Variants in CDH12 observed in about 807,000 individuals in gnomAD.
CDH12 encodes the protein cadherin-12.
A neutral mutation model predicts 74.1 loss-of-function variants in CDH12; 41 were observed. The ratio of observed to expected loss-of-function variants is 0.55; its 90% CI spans 0.43 to 0.72. The LOEUF (loss-of-function observed/expected upper bound fraction) is 0.72. Ranked by LOEUF, CDH12 falls within the 30% of genes least tolerant of loss-of-function variation. The pLI, the probability that CDH12 is intolerant of heterozygous loss-of-function variation, is 0.00. For missense variants in CDH12, 945 were observed against 977.2 expected, an observed-to-expected ratio of 0.97 and a Z score of 0.44; for synonymous variants, 399 against 355.0, an observed-to-expected ratio of 1.12 and a Z score of -1.39.
intron 1 of CDH12, among the ~76,000 whole-genome samples, chr5:22,655,913 G>A (rs1205542716): frequency 6.6e-6 from 1 of 152,140 alleles, no homozygotes; most frequent in African/African-American, 2.4e-5. Context: ...TAGTGATGAT[G>A]AATATATCAA....
At chr5:21,805,751 C>A (rs1747392037) in intron 9 of CDH12, among the ~76,000 whole-genome samples, 1 of 152,112 alleles carries the variant, frequency 6.6e-6, no homozygotes. Flanking sequence ...ATAAAAATCC[C>A]AGCATTTGAA....
chr5:22,072,803 A>C (rs1236996905), intron 5 of CDH12, among the ~76,000 whole-genome samples: 1 of 151,386 alleles, frequency 6.6e-6, no homozygotes, highest in Non-Finnish European at 1.5e-5. Context: ...TTATTATAAC[A>C]CTTTAGTTTA....
At chr5:22,238,534 TATGAG>T (rs1002666550) in intron 3 of CDH12, among the ~76,000 whole-genome samples, 2 of 152,166 alleles carry the variant, frequency 1.3e-5, no homozygotes, top group African/African-American at 2.4e-5. Context: ...AAGACCTTAC[TATGAG>T]AGCAAGTCTA....
chr5:22,411,411 A>T (rs1743164861), intron 2 of CDH12, among the ~76,000 whole-genome samples: 1 of 151,956 alleles, frequency 6.6e-6, no homozygotes, highest in African/African-American at 2.4e-5. Context: ...ATGGTAGGAA[A>T]GAGGTTTCAC....
chr5:21,813,284 G>C (rs1747852523), intron 9 of CDH12, among the ~76,000 whole-genome samples: 1 of 152,010 alleles, frequency 6.6e-6, no homozygotes, highest in Non-Finnish European at 1.5e-5. Flanking sequence ...TTCAAGACCA[G>C]CCTGACAAAC....
chr5:22,237,146 G>A (rs1394318058), intron 3 of CDH12, among the ~76,000 whole-genome samples: 2 of 151,996 alleles, frequency 1.3e-5, no homozygotes, highest in African/African-American at 4.8e-5. Context: ...CAGCAGCACC[G>A]CAAACAGGTG....
chr5:21,811,774 A>ATTTTGTTTTG (rs58069749), intron 9 of CDH12, among the ~76,000 whole-genome samples: 1 of 141,604 alleles, frequency 7.1e-6, no homozygotes, highest in Non-Finnish European at 1.5e-5. Context: ...AGCAGTTTTT[A>ATTTTGTTTTG]TTTTGTTTTG....
At chr5:22,074,179 C>A (rs1273771337) in intron 5 of CDH12, among the ~76,000 whole-genome samples, 4 of 152,118 alleles carry the variant, frequency 2.6e-5, no homozygotes, top group African/African-American at 2.4e-5. Context: ...ACTATCTGAT[C>A]TTTGACAAAT....
intron 3 of CDH12, among the ~76,000 whole-genome samples, 154 bp downstream of exon 3, chr5:22,405,103 G>A (rs1319174552): frequency 2.0e-5 from 3 of 151,968 alleles, no homozygotes; most frequent in Admixed American, 2.0e-4. Context: ...CCAGCTACTC[G>A]GGAGACTGAG....
At chr5:22,461,818 T>C (rs899734065) in intron 2 of CDH12, among the ~76,000 whole-genome samples, 1 of 151,776 alleles carries the variant, frequency 6.6e-6, no homozygotes, top group Non-Finnish European at 1.5e-5. Flanking sequence ...TTTGTCATTA[T>C]ACTTCTCCAT....
Position 22,494,427 on chromosome 5 carries a change from A to G in CDH12, c.-428+10843T>C, listed in dbSNP as rs2126645543. On this transcript the variant is annotated intron_variant, in intron 2 of 14. Coordinates refer to ENST00000382254, the MANE Select transcript of CDH12 (RefSeq NM_004061.5). The stretch of plus-strand genomic sequence containing the variant: ...CTGCGGGCAGGCTCCGGCTATCCAC[A>G]ACCCTGAACTGAAATGATTGGGTAA... Among the ~76,000 whole-genome samples the G allele has an allele frequency of 1.3e-5, 2 of 152,328 alleles. 1 individual carries two copies. The highest frequency in any genetic ancestry group is 2.9e-5 in the Non-Finnish European group (2 of 68,026).
chr5:22,812,258 G>C (rs573177744), intron 1 of CDH12, among the ~76,000 whole-genome samples: 1 of 152,276 alleles, frequency 6.6e-6, no homozygotes, highest in African/African-American at 2.4e-5. Flanking sequence ...ACAGGTGCTA[G>C]TATAAGGATT....
chr5:21,932,110 C>T (rs1331291977), intron 6 of CDH12, among the ~76,000 whole-genome samples: 1 of 152,130 alleles, frequency 6.6e-6, no homozygotes, highest in Non-Finnish European at 1.5e-5. Context: ...ATGAAACAAA[C>T]ATGAATTGTT....
chr5:21,829,254 A>G (rs1748868459), intron 8 of CDH12, among the ~76,000 whole-genome samples: 1 of 152,196 alleles, frequency 6.6e-6, no homozygotes, highest in South Asian at 2.1e-4. Context: ...AAATCGTGCC[A>G]CTGCACTCCA....
chr5:22,198,085 C>T (rs1043708132), intron 4 of CDH12, among the ~76,000 whole-genome samples: 4 of 151,916 alleles, frequency 2.6e-5, no homozygotes, highest in Admixed American at 6.6e-5. Flanking sequence ...ATAATTACAA[C>T]AAAGTTCTTA....
At chr5:22,263,007 C>T (rs1753578706) in intron 3 of CDH12, among the ~76,000 whole-genome samples, 1 of 151,350 alleles carries the variant, frequency 6.6e-6, no homozygotes, top group South Asian at 2.1e-4. Context: ...AACAAACAAC[C>T]CCATCAAAAA....
intron 4 of CDH12, among the ~76,000 whole-genome samples, chr5:22,107,900 A>G (rs1396200080): frequency 1.3e-5 from 2 of 152,230 alleles, no homozygotes; most frequent in African/African-American, 2.4e-5. Flanking sequence ...TGTTACAGGC[A>G]TAAGATGAGA....
At chr5:22,013,180 A>T (rs957898426) in intron 5 of CDH12, among the ~76,000 whole-genome samples, 2 of 152,192 alleles carry the variant, frequency 1.3e-5, no homozygotes, top group Admixed American at 6.5e-5. Context: ...AGACCTCAGG[A>T]AGCTTAGGAA....
At chr5:22,495,275 A>C (rs1451969503) in intron 2 of CDH12, among the ~76,000 whole-genome samples, 1 of 152,172 alleles carries the variant, frequency 6.6e-6, no homozygotes, top group Non-Finnish European at 1.5e-5. Context: ...CAAAAAACTA[A>C]AGGATCCTAC....
Sources: gnomAD v4.1 joint callset for allele counts (sites outside exome capture counted in the v4.1 genomes callset) on GRCh38, gnomAD v4.1.1 for gene constraint, MANE v1.5 for transcripts, NCBI Gene and HGNC (gene_info 2026-07-23, HGNC 2026-07-21) for gene names.